The following ZDHHC7 variants were observed in gnomAD, a reference collection of about 807,000 sequenced individuals.
ZDHHC7 encodes zDHHC palmitoyltransferase 7, also known as palmitoyltransferase ZDHHC7.
In ZDHHC7, 12 loss-of-function variants were observed where a neutral mutation model predicts 34.1. The ratio of observed to expected loss-of-function variants is 0.35; its 90% confidence interval spans 0.23 to 0.57. ZDHHC7 has a LOEUF of 0.57. ZDHHC7 is among the 20% of genes least tolerant of loss of function. ZDHHC7 has a pLI of 0.84. For synonymous variants in ZDHHC7, 185 were observed against 155.4 expected, an observed-to-expected ratio of 1.19 and a Z score of -1.42; for missense variants, 388 against 402.7, an observed-to-expected ratio of 0.96 and a Z score of 0.31.
At chr16:84,978,773 A>C (rs2072330537) in intron 5 of ZDHHC7, among the ~76,000 whole-genome samples, 1 of 151,928 alleles carries the variant, frequency 6.6e-6, no homozygotes. Context: ...GAAGCAAGAG[A>C]ATCACTTGAA....
intron 2 of ZDHHC7, 24 bp from the exon 3 acceptor site, chr16:84,990,659 C>A: frequency 6.3e-7 from 1 of 1,583,754 alleles, no homozygotes. Context: ...CGACACAGAG[C>A]TGGTAAGGCT....
chr16:84,975,439 T>A lies in ZDHHC7; in HGVS notation c.*904A>T. 1 of 149,574 alleles carries A rather than the reference T, an allele frequency of 6.7e-6. No homozygotes were observed. The highest frequency in any genetic ancestry group is 1.5e-5 in the Non-Finnish European group (1 of 67,130). The allele number at this position is 149,574 out of a possible 1,614,324, so 9.3% of individuals were successfully genotyped here. A position where few individuals can be genotyped will look rare whatever the true frequency, so the allele number is the denominator to read the frequency against. On this transcript the variant is annotated 3_prime_UTR_variant, in exon 8 of 8. Coordinates refer to ENST00000313732, the MANE Select transcript of ZDHHC7 (RefSeq NM_017740.3). ...TAGGTGCCATTTATACACTGCTAAT[T>A]TGGCTGGAACAAAAAAAAAAAATCA...
upstream of ZDHHC7, among the ~76,000 whole-genome samples, chr16:85,016,431 A>G (rs977353323): frequency 1.3e-5 from 2 of 152,036 alleles, no homozygotes; most frequent in African/African-American, 4.8e-5. Context: ...GCTAAAAGAA[A>G]TTAAAAAATC....
chr16:84,977,044 A>G, intron 7 of ZDHHC7, 51 bp downstream of exon 7: 1 of 1,604,996 alleles, frequency 6.2e-7, no homozygotes, highest in Non-Finnish European at 8.5e-7. Flanking sequence ...CTTTTCATTT[A>G]CTCAAGCTTG....
chr16:85,009,171 T>C (rs1381900888), intron 1 of ZDHHC7, among the ~76,000 whole-genome samples: 1 of 152,102 alleles, frequency 6.6e-6, no homozygotes, highest in Non-Finnish European at 1.5e-5. Context: ...ATCCCAAACA[T>C]TAACTTTCTA....
chr16:84,977,498 C>A (rs2072313270), intron 6 of ZDHHC7, among the ~76,000 whole-genome samples: 1 of 152,202 alleles, frequency 6.6e-6, no homozygotes, highest in Non-Finnish European at 1.5e-5. Flanking sequence ...AATTAAATGG[C>A]AAATGAAGCC....
chr16:84,988,412 T>C (rs1310077333), intron 3 of ZDHHC7, among the ~76,000 whole-genome samples: 3 of 152,120 alleles, frequency 2.0e-5, no homozygotes, highest in Non-Finnish European at 4.4e-5. Context: ...GTGAATTAAA[T>C]CTCAATCAAA....
chr16:84,993,613 G>A (rs555680995), intron 2 of ZDHHC7, among the ~76,000 whole-genome samples: 155 of 152,232 alleles, frequency 1.0e-3, no homozygotes, highest in Admixed American at 3.3e-3. Flanking sequence ...CTGCAGTCCA[G>A]CCTGGGCAAC....
rs1037401228 is a variant in ZDHHC7 at position 84,981,943 on chromosome 16, G to A, written c.367C>T (p.Leu123=). ...ATKEYMESLQ[L]KPGEVIYKCP... is the part of the protein sequence containing the mutation. ...TTGTAGATGACTTCCCCGGGCTTCA[G>A]CTGCAAGCTCTCCATGTATTCTTTC... The change falls in exon 4 of 8, where the codon CTG becomes TTG. Residue 123 remains leucine, a synonymous_variant. Transcript: ENST00000313732. 2 of 1,614,238 alleles carry A rather than the reference G, an allele frequency of 1.2e-6. No homozygotes were observed. The highest frequency in any genetic ancestry group is 2.2e-5 in the East Asian group (1 of 44,886).
chr16:84,976,293 A>C lies in ZDHHC7; in HGVS notation c.*50T>G, dbSNP rs879189738. The C allele has an allele frequency of 6.2e-7, 1 of 1,606,358 alleles. No individual in the cohort carries two copies. Among genetic ancestry groups the C allele is most frequent in the Admixed American group, 1.8e-5 (1 of 57,038 alleles). ...AGCTGTTGATATCCTTCAGACCCCAAATAAATAACTGGAAGTCTGTGAGCA... is the reference window on the plus strand; with the variant it reads ...AGCTGTTGATATCCTTCAGACCCCACATAAATAACTGGAAGTCTGTGAGCA... On this transcript the variant is annotated 3_prime_UTR_variant, in exon 8 of 8. Coordinates refer to ENST00000313732, the MANE Select transcript of ZDHHC7 (RefSeq NM_017740.3).
At chr16:85,017,101 G>A in the ZDHHC7 span, among the ~76,000 whole-genome samples, 4 of 151,994 alleles carry the variant, frequency 2.6e-5, no homozygotes, top group Middle Eastern at 3.4e-3. Flanking sequence ...CCACCGCACC[G>A]GCCAACTTGT....
intron 4 of ZDHHC7, among the ~76,000 whole-genome samples, chr16:84,979,949 CTTTTT>C (rs561019555): frequency 2.1e-5 from 2 of 96,008 alleles, no homozygotes; most frequent in Non-Finnish European, 3.9e-5. Context: ...ATAGCGTCAC[CTTTTT>C]TTTTTTTTTT....
At position 84,976,239 on chromosome 16, in the gene ZDHHC7, G is replaced by C; in HGVS notation, c.*104C>G. ...TTGCTGCAAGCAATTGGTTTGTGTA[G>C]GTTCCAGTTGCCCTGTTGGTCACAG... On this transcript the variant is annotated 3_prime_UTR_variant, in exon 8 of 8. Transcript: ENST00000313732. 1 of 1,421,816 alleles carries C rather than the reference G, an allele frequency of 7.0e-7. No individual in the cohort carries two copies. Among genetic ancestry groups the C allele is most frequent in the Non-Finnish European group, 9.7e-7 (1 of 1,035,578 alleles). 88.1% of individuals were successfully genotyped at this position (1,421,816 alleles called of 1,614,324 possible).
In ZDHHC7 at chr16:85,011,501, T is replaced by G. The variant is rs918822991; in HGVS notation, c.-319A>C. The G allele has an allele frequency of 6.6e-6, 1 of 152,160 alleles. No individual in the cohort carries two copies. Among genetic ancestry groups the G allele is most frequent in the African/African-American group, 2.4e-5 (1 of 41,428 alleles). The allele number at this position is 152,160 out of a possible 1,614,324, so 9.4% of individuals were successfully genotyped here. A position where few individuals can be genotyped will look rare whatever the true frequency, so the allele number is the denominator to read the frequency against. Reference sequence around the variant, plus strand: ...AAGCAAATGCCTCAGCCCGGAGCCTTGGCTGGAGAGCGGGGCGGTGCGAGC... The same window carrying G: ...AAGCAAATGCCTCAGCCCGGAGCCTGGGCTGGAGAGCGGGGCGGTGCGAGC... On this transcript the variant is annotated 5_prime_UTR_variant, in exon 1 of 8. Transcript: ENST00000313732.
At chr16:85,005,235 T>C (rs536317632) in intron 1 of ZDHHC7, among the ~76,000 whole-genome samples, 1 of 152,346 alleles carries the variant, frequency 6.6e-6, no homozygotes, top group South Asian at 2.1e-4. Context: ...CCTCCTTCCC[T>C]GTCTTCCTAG....
chr16:84,979,669 A>C (rs927485414), intron 4 of ZDHHC7, among the ~76,000 whole-genome samples: 2 of 152,168 alleles, frequency 1.3e-5, no homozygotes, highest in Non-Finnish European at 2.9e-5. Flanking sequence ...CATTCTTTGT[A>C]TCTTCAAATA....
intron 2 of ZDHHC7, among the ~76,000 whole-genome samples, chr16:84,995,645 A>T (rs1053259961): frequency 6.6e-6 from 1 of 152,076 alleles, no homozygotes; most frequent in Non-Finnish European, 1.5e-5. Context: ...AGACAAAAAA[A>T]ACCAAACCAC....
chr16:85,012,400 A>C (rs892633503), upstream of ZDHHC7, among the ~76,000 whole-genome samples: 1 of 150,292 alleles, frequency 6.7e-6, no homozygotes, highest in African/African-American at 2.5e-5. Flanking sequence ...AAAAAAGCAT[A>C]TCTTTTTTTT....
At chr16:84,997,164 A>G (rs1424797875) in intron 1 of ZDHHC7, among the ~76,000 whole-genome samples, 1 of 152,188 alleles carries the variant, frequency 6.6e-6, no homozygotes, top group Non-Finnish European at 1.5e-5. Flanking sequence ...ATTCTTCAAA[A>G]TAAGAGAAGA....
Sources: gnomAD v4.1 joint callset for allele counts (sites outside exome capture counted in the v4.1 genomes callset) on GRCh38, gnomAD v4.1.1 for gene constraint, MANE v1.5 for transcripts, NCBI Gene and HGNC (gene_info 2026-07-23, HGNC 2026-07-21) for gene names.